Variants in LRFN5 observed in about 807,000 individuals in gnomAD.
LRFN5 encodes leucine-rich repeat and fibronectin type-III domain-containing protein 5.
In LRFN5, 24 loss-of-function variants were observed where a neutral mutation model predicts 45.6. That is an observed-to-expected ratio of 0.53 (90% CI 0.38 to 0.74). LRFN5 has a LOEUF of 0.74. Ranked by LOEUF, LRFN5 falls within the 30% of genes least tolerant of loss-of-function variation. The probability of loss-of-function intolerance (pLI) is 0.00; values close to 1 mark genes in which losing one functional copy is unlikely to be tolerated. For synonymous variants in LRFN5, 340 were observed against 313.8 expected (o/e 1.08, Z -0.88); for missense variants, 776 against 861.5 (o/e 0.90, Z 1.24).
chr14:41,787,866 A>G (rs1886784833), intron 2 of LRFN5, among the ~76,000 whole-genome samples: 1 of 152,016 alleles, frequency 6.6e-6, no homozygotes, highest in Non-Finnish European at 1.5e-5. Context: ...TAGTGTCATG[A>G]TGTTTGGACT....
intron 1 of LRFN5, among the ~76,000 whole-genome samples, chr14:41,735,969 T>A (rs1594658924): frequency 6.6e-6 from 1 of 152,202 alleles, no homozygotes; most frequent in South Asian, 2.1e-4. Flanking sequence ...TATTCCATGG[T>A]GTATATGTGC....
chr14:41,643,058 A>G (rs955455310), intron 1 of LRFN5, among the ~76,000 whole-genome samples: 1 of 152,200 alleles, frequency 6.6e-6, no homozygotes. Flanking sequence ...AGTGTTAAAA[A>G]TTCATCTTAA....
intron 2 of LRFN5, among the ~76,000 whole-genome samples, chr14:41,865,445 C>A (rs1034841253): frequency 6.6e-6 from 1 of 152,058 alleles, no homozygotes; most frequent in African/African-American, 2.4e-5. Context: ...TGTGAATATG[C>A]CAGGTTTTAT....
At chr14:41,856,675 A>ATTATTATTATTTTTTTTTTT in intron 2 of LRFN5, among the ~76,000 whole-genome samples, 45 of 18,332 alleles carry the variant, frequency 2.5e-3, no homozygotes, top group South Asian at 0.01. Flanking sequence ...TATTATTATT[A>ATTATTATTATTTTTTTTTTT]TTTTTTTTTT....
At chr14:41,741,732 G>A (rs1247650812) in intron 1 of LRFN5, among the ~76,000 whole-genome samples, 1 of 150,418 alleles carries the variant, frequency 6.6e-6, no homozygotes, top group African/African-American at 2.4e-5. Flanking sequence ...ATGCAGCAAA[G>A]ACAACAATTT....
chr14:41,735,615 A>G (rs936338215), intron 1 of LRFN5, among the ~76,000 whole-genome samples: 7 of 152,000 alleles, frequency 4.6e-5, no homozygotes, highest in African/African-American at 1.7e-4. Context: ...AATTTTTATT[A>G]TTTATTATAC....
chr14:41,803,312 G>A (rs1157171112), intron 2 of LRFN5, among the ~76,000 whole-genome samples: 3 of 151,562 alleles, frequency 2.0e-5, no homozygotes, highest in Admixed American at 2.0e-4. Flanking sequence ...GTTTTAAAAA[G>A]CTAATTCAAC....
chr14:41,744,513 G>T (rs970769412), intron 1 of LRFN5, among the ~76,000 whole-genome samples: 1 of 152,046 alleles, frequency 6.6e-6, no homozygotes, highest in South Asian at 2.1e-4. Flanking sequence ...CATGACAAAA[G>T]TAAGTCCCAC....
At chr14:41,736,545 T>C (rs2138808480) in intron 1 of LRFN5, among the ~76,000 whole-genome samples, 1 of 152,322 alleles carries the variant, frequency 6.6e-6, no homozygotes, top group South Asian at 2.1e-4. Flanking sequence ...TTCTACACAT[T>C]GCCTGTTCAC....
chr14:41,887,046 A>G lies in LRFN5; in HGVS notation c.421A>G (p.Thr141Ala). 1 of 1,614,150 alleles carries G rather than the reference A, an allele frequency of 6.2e-7. No individual in the cohort carries two copies. The highest frequency in any genetic ancestry group is 8.5e-7 in the Non-Finnish European group (1 of 1,180,036). ...CAATCAGCTGACTTTAATTTCCTCTACAGCGTTTGATGATGTCTTCGCCCT... is the reference window on the plus strand; with the variant it reads ...CAATCAGCTGACTTTAATTTCCTCTGCAGCGTTTGATGATGTCTTCGCCCT... ...NNNQLTLISSTAFDDVFALEE... is the reference protein window; with the variant it reads ...NNNQLTLISSAAFDDVFALEE... Residue 141 changes from threonine to alanine, a missense_variant, in exon 3 of 6, where the codon ACA becomes GCA. Coordinates refer to ENST00000298119, the MANE Select transcript of LRFN5 (RefSeq NM_152447.5). The surrounding 1 kb of genome is among the most constrained non-coding windows in gnomAD (Gnocchi z 4.8).
chr14:41,634,731 A>G (rs1888671736), intron 1 of LRFN5, among the ~76,000 whole-genome samples: 1 of 152,160 alleles, frequency 6.6e-6, no homozygotes, highest in Non-Finnish European at 1.5e-5. Flanking sequence ...CTAATGCTGT[A>G]GGGTTTGGGT....
intron 1 of LRFN5, among the ~76,000 whole-genome samples, chr14:41,747,635 G>C (rs1052380279): frequency 2.6e-5 from 4 of 151,926 alleles, no homozygotes; most frequent in Non-Finnish European, 5.9e-5. Flanking sequence ...TATGACAGCA[G>C]AGGCATAGCC....
In LRFN5 at chr14:41,904,280, TGTC is replaced by T. The variant is rs916113505; in HGVS notation, c.*108_*110del. 5.3e-5 allele frequency: 71 copies of T among 1,346,858 alleles called. No individual in the cohort carries two copies. Among genetic ancestry groups the T allele is most frequent in the Non-Finnish European group, 7.3e-5 (69 of 949,584 alleles). The allele number at this position is 1,346,858 out of a possible 1,614,324, so 83.4% of individuals were successfully genotyped here. A position where few individuals can be genotyped will look rare whatever the true frequency, so the allele number is the denominator to read the frequency against. ...TCACAAAGGCTAATTGTTGAACTGG[TGTC>T]GTAGAAGAAATTGTCTACAGGAGCC... On this transcript the variant is annotated 3_prime_UTR_variant, in exon 6 of 6. Coordinates refer to ENST00000298119, the MANE Select transcript of LRFN5 (RefSeq NM_152447.5).
chr14:41,622,525 ATC>A (rs1888172363), intron 1 of LRFN5, among the ~76,000 whole-genome samples: 1 of 152,096 alleles, frequency 6.6e-6, no homozygotes, highest in African/African-American at 2.4e-5. Context: ...CAAATACTGA[ATC>A]TCTATTAATA....
intron 4 of LRFN5, among the ~76,000 whole-genome samples, chr14:41,895,482 T>C (rs1890907756): frequency 6.6e-6 from 1 of 151,694 alleles, no homozygotes. Context: ...AAAAATTAGC[T>C]GGGGGCATGG....
intron 2 of LRFN5, among the ~76,000 whole-genome samples, chr14:41,844,215 A>G (rs904264907): frequency 4.6e-5 from 7 of 152,148 alleles, no homozygotes; most frequent in Non-Finnish European, 4.4e-5. Flanking sequence ...AGGTGGGCGG[A>G]TCACGAGGTC....
At chr14:41,666,036 G>C (rs1199234924) in intron 1 of LRFN5, among the ~76,000 whole-genome samples, 1 of 151,840 alleles carries the variant, frequency 6.6e-6, no homozygotes. Context: ...GTTTCTTTCA[G>C]AGACCATTTC....
At chr14:41,791,201 G>A (rs1483674385) in intron 2 of LRFN5, among the ~76,000 whole-genome samples, 3 of 151,426 alleles carry the variant, frequency 2.0e-5, no homozygotes, top group African/African-American at 7.3e-5. Flanking sequence ...AAGTATTTTG[G>A]AAAACATTCC....
chr14:41,845,244 C>A (rs543544735), intron 2 of LRFN5, among the ~76,000 whole-genome samples: 1 of 151,974 alleles, frequency 6.6e-6, no homozygotes, highest in Non-Finnish European at 1.5e-5. Context: ...TTAAAGGACA[C>A]GACAAAATTA....
Sources: gnomAD v4.1 joint callset for allele counts (sites outside exome capture counted in the v4.1 genomes callset) on GRCh38, gnomAD v4.1.1 for gene constraint, Gnocchi (gnomAD v3.1) non-coding constraint, MANE v1.5 for transcripts, NCBI Gene and HGNC (gene_info 2026-07-23, HGNC 2026-07-21) for gene names.